Variants in PPP1R1B observed in about 807,000 individuals in gnomAD.
PPP1R1B encodes the protein protein phosphatase 1 regulatory inhibitor subunit 1B.
A neutral mutation model predicts 28.2 loss-of-function variants in PPP1R1B; 13 were observed. The observed-to-expected ratio is 0.46, with a 90% CI of 0.30 to 0.73. The LOEUF (loss-of-function observed/expected upper bound fraction) is 0.73, where lower values mean the gene tolerates loss of function less well. Ranked by LOEUF, PPP1R1B falls within the 30% of genes least tolerant of loss-of-function variation. PPP1R1B has a pLI of 0.07. For synonymous variants in PPP1R1B, 102 were observed against 97.5 expected (o/e 1.05, Z -0.27); for missense variants, 236 against 256.7 (o/e 0.92, Z 0.55).
chr17:39,629,798 G>A (rs1227895046), intron 3 of PPP1R1B, 174 bp from the exon 4 acceptor site: 1 of 798,076 alleles, frequency 1.3e-6, no homozygotes, highest in Non-Finnish European at 2.1e-6. Context: ...CCAGGCCATG[G>A]CTTATGGGGG....
intron 2 of PPP1R1B, 143 bp from the exon 3 acceptor site, chr17:39,629,397 G>T: frequency 7.8e-7 from 1 of 1,278,858 alleles, no homozygotes; most frequent in South Asian, 1.2e-5. Context: ...ACACCTCCCA[G>T]CCGCAGGAGG....
In PPP1R1B at chr17:39,635,796, CCTCT is replaced by C. The variant is rs1187311937; in HGVS notation, c.566-17_566-14del. The C allele has an allele frequency of 1.9e-6, 3 of 1,613,858 alleles. No individual in the cohort carries two copies. In the South Asian group the frequency reaches 3.3e-5, roughly 18 times the overall value. ...GGTGGGTGGGGCCAGGCCCTGAGTC[CCTCT>C]CTGCTTGCCTTTCAGAGCCTGGGGA... On this transcript the variant is annotated splice_polypyrimidine_tract_variant and intron_variant, in intron 6 of 6. Transcript: ENST00000254079.
chr17:39,627,358 C>T lies in PPP1R1B; in HGVS notation c.-35C>T. The T allele has an allele frequency of 1.3e-6, 2 of 1,497,358 alleles. No homozygotes were observed. Among genetic ancestry groups the T allele is most frequent in the Non-Finnish European group, 1.8e-6 (2 of 1,091,786 alleles). The allele number at this position is 1,497,358 out of a possible 1,614,324, so 92.8% of individuals were successfully genotyped here. A position where few individuals can be genotyped will look rare whatever the true frequency, so the allele number is the denominator to read the frequency against. ...ACAGACCGCCGCCGGGACCCCGAGT[C>T]GCGCACCCCAGCCCCACCGCCCACC... On this transcript the variant is annotated 5_prime_UTR_variant, in exon 1 of 7. Coordinates refer to ENST00000254079, the MANE Select transcript of PPP1R1B (RefSeq NM_032192.4).
Position 39,633,891 on chromosome 17 carries a change from C to A in PPP1R1B, c.250C>A (p.Arg84Ser), listed in dbSNP as rs767247081. 1 of 1,613,560 alleles carries A rather than the reference C, an allele frequency of 6.2e-7. No homozygotes were observed. The highest frequency in any genetic ancestry group is 1.7e-5 in the Admixed American group (1 of 60,012). Reference protein sequence around the residue: ...YTPPSLKAVQRIAESHLQSIS... With the variant: ...YTPPSLKAVQSIAESHLQSIS... ...GGTCTCCTCTGTGCCAGCTGTGCAG[C>A]GCATTGCTGAGTCTCACCTGCAGTC... Residue 84 changes from arginine (R) to serine (S), a missense_variant, in exon 5 of 7, where the codon CGC becomes AGC. Coordinates refer to ENST00000254079, the MANE Select transcript of PPP1R1B (RefSeq NM_032192.4).
rs373455656 is a variant in PPP1R1B, at chr17:39,628,008, G to C, written c.81+535G>C. On this transcript the variant is annotated intron_variant, in intron 1 of 6. Coordinates refer to ENST00000254079, the MANE Select transcript of PPP1R1B (RefSeq NM_032192.4). ...CAGAACCTGGCTCTGGCCTCCTGCT[G>C]TCAGGCCCCAGAGCCCCAACCCCAA... 1.6e-4 allele frequency among the ~76,000 whole-genome samples: 24 copies of C among 152,290 alleles called. No individual in the cohort carries two copies. The South Asian group carries it at 4.6e-3, about 29-fold the overall frequency.
chr17:39,627,353 C>G lies in PPP1R1B; in HGVS notation c.-40C>G. ...CCAGCACAGACCGCCGCCGGGACCC[C>G]GAGTCGCGCACCCCAGCCCCACCGC... On this transcript the variant is annotated 5_prime_UTR_variant, in exon 1 of 7. Coordinates refer to ENST00000254079, the MANE Select transcript of PPP1R1B (RefSeq NM_032192.4). The G allele has an allele frequency of 6.9e-7, 1 of 1,452,552 alleles. No homozygotes were observed. Among genetic ancestry groups the G allele is most frequent in the South Asian group, 1.2e-5 (1 of 85,118 alleles). The allele number at this position is 1,452,552 out of a possible 1,614,324, so 90.0% of individuals were successfully genotyped here.
At chr17:39,630,130 G>C (rs1285152522) in intron 4 of PPP1R1B, 83 bp downstream of exon 4, 6 of 1,338,952 alleles carry the variant, frequency 4.5e-6, no homozygotes, top group African/African-American at 1.4e-5. Flanking sequence ...TGTCAGTGGG[G>C]AGGGATTGTT....
At chr17:39,633,758 C>T in intron 4 of PPP1R1B, 125 bp from the exon 5 acceptor site, 1 of 1,523,218 alleles carries the variant, frequency 6.6e-7, no homozygotes, top group Non-Finnish European at 8.8e-7. Context: ...GAACTTGGGC[C>T]CCTGAGGGGG....
chr17:39,628,480 C>T (rs779392407), intron 1 of PPP1R1B: 11 of 984,672 alleles, frequency 1.1e-5, no homozygotes, highest in South Asian at 9.4e-5. Flanking sequence ...GCTTGGCTCA[C>T]GTAGCAAGGA....
At chr17:39,629,706 C>A in intron 3 of PPP1R1B, 144 bp downstream of exon 3, 1 of 863,792 alleles carries the variant, frequency 1.2e-6, no homozygotes. Flanking sequence ...TCTGAGAGTG[C>A]CTCATGCCAG....
intron 4 of PPP1R1B, 117 bp from the exon 5 acceptor site, chr17:39,633,766 G>C (rs1597780985): frequency 6.5e-7 from 1 of 1,543,864 alleles, no homozygotes; most frequent in Non-Finnish European, 8.7e-7. Context: ...GCCCCTGAGG[G>C]GGTATTCTCT....
At chr17:39,634,454 G>A (rs2056902254) in intron 5 of PPP1R1B, among the ~76,000 whole-genome samples, 1 of 152,214 alleles carries the variant, frequency 6.6e-6, no homozygotes. Flanking sequence ...CCTGTCACCT[G>A]CATTTCACCT....
chr17:39,628,267 G>A (rs2056850918), intron 1 of PPP1R1B, among the ~76,000 whole-genome samples: 1 of 151,864 alleles, frequency 6.6e-6, no homozygotes. Flanking sequence ...GGAGATAGAG[G>A]GCAGGGGGTA....
chr17:39,635,955 C>T lies in PPP1R1B; in HGVS notation c.*90C>T. The T allele has an allele frequency of 3.5e-6, 5 of 1,418,032 alleles. No homozygotes were observed. Among genetic ancestry groups the T allele is most frequent in the Non-Finnish European group, 4.9e-6 (5 of 1,028,232 alleles). 87.8% of individuals were successfully genotyped at this position (1,418,032 alleles called of 1,614,324 possible). ...TATCCTCACCCTGTTTTGTGCTCTT[C>T]CCCTCGCCTGCTAGGGCTGCGGCTT... On this transcript the variant is annotated 3_prime_UTR_variant, in exon 7 of 7. Transcript: ENST00000254079.
intron 3 of PPP1R1B, 89 bp from the exon 4 acceptor site, chr17:39,629,883 C>T (rs2056863735): frequency 2.3e-6 from 3 of 1,304,592 alleles, no homozygotes; most frequent in East Asian, 2.3e-5. Context: ...AATCAGTCTG[C>T]TTGGGTGGCC....
intron 2 of PPP1R1B, 73 bp from the exon 3 acceptor site, chr17:39,629,467 C>A: frequency 6.3e-7 from 1 of 1,585,730 alleles, no homozygotes; most frequent in Non-Finnish European, 8.7e-7. Flanking sequence ...AACTCGGATT[C>A]TTTCTCTCTC....
chr17:39,631,509 C>T (rs942037477), intron 4 of PPP1R1B, among the ~76,000 whole-genome samples: 1 of 152,200 alleles, frequency 6.6e-6, no homozygotes, highest in African/African-American at 2.4e-5. Context: ...CAACCCCCCA[C>T]CTCAACTCCT....
chr17:39,631,118 C>G (rs546418220), intron 4 of PPP1R1B, among the ~76,000 whole-genome samples: 1 of 152,028 alleles, frequency 6.6e-6, no homozygotes. Flanking sequence ...ACCTATAGTC[C>G]CAGATACTTG....
chr17:39,635,900 G>A lies in PPP1R1B; in HGVS notation c.*35G>A. 6.2e-7 allele frequency: 1 copy of A among 1,608,504 alleles called. No individual in the cohort carries two copies. Among genetic ancestry groups the A allele is most frequent in the Non-Finnish European group, 8.5e-7 (1 of 1,178,064 alleles). ...CTGCATCTCCCAGGAGGAAGTGGAG[G>A]GGACATCGCTGTTCCCCAGAAACCC... On this transcript the variant is annotated 3_prime_UTR_variant, in exon 7 of 7. Coordinates refer to ENST00000254079, the MANE Select transcript of PPP1R1B (RefSeq NM_032192.4).
Sources: allele counts gnomAD v4.1 joint callset (sites outside exome capture counted in the v4.1 genomes callset), GRCh38; gene constraint gnomAD v4.1.1; transcripts MANE v1.5; gene names NCBI Gene and HGNC (gene_info 2026-07-23, HGNC 2026-07-21).